Variants in ANKRD44 observed in about 807,000 individuals in gnomAD.
The protein encoded by ANKRD44 is serine/threonine-protein phosphatase 6 regulatory ankyrin repeat subunit B.
Under a neutral mutation model 116.0 loss-of-function variants are expected in ANKRD44, and 35 were observed. That is an observed-to-expected ratio of 0.30 (90% CI 0.23 to 0.40). The LOEUF (loss-of-function observed/expected upper bound fraction) is 0.40, where lower values mean the gene tolerates loss of function less well. Ranked by LOEUF, ANKRD44 falls within the 10% of genes least tolerant of loss-of-function variation. The pLI is 1.00. For missense variants in ANKRD44, 1,014 were observed against 1,242.6 expected, an observed-to-expected ratio of 0.82 and a Z score of 2.77; for synonymous variants, 435 against 461.8, an observed-to-expected ratio of 0.94 and a Z score of 0.74.
chr2:197,139,142 T>C (rs1301002368), intron 3 of ANKRD44, among the ~76,000 whole-genome samples: 1 of 152,148 alleles, frequency 6.6e-6, no homozygotes, highest in East Asian at 1.9e-4. Context: ...GTAAAATTGA[T>C]GACATGCATG....
Position 197,010,092 on chromosome 2 carries a change from G to A in ANKRD44, c.1925-1061C>T, listed in dbSNP as rs78109617. Among the ~76,000 whole-genome samples the A allele has an allele frequency of 1.7e-3, 265 of 152,214 alleles. 1 individual carries two copies. The highest frequency in any genetic ancestry group is 5.8e-3 in the African/African-American group (239 of 41,534). On this transcript the variant is annotated intron_variant, in intron 18 of 27. Transcript: ENST00000282272. ...CGAGGAAGGAAGGAGAGAAGTGGAG[G>A]GGAGAGGGGAGACGGTCAGAAGGGA...
chr2:196,996,516 A>C (rs2076014140), intron 25 of ANKRD44, among the ~76,000 whole-genome samples: 1 of 152,178 alleles, frequency 6.6e-6, no homozygotes, highest in African/African-American at 2.4e-5. Flanking sequence ...ACCCTTAAAT[A>C]TAATTTTAGA....
chr2:197,278,086 G>T (rs1399739771), intron 1 of ANKRD44, among the ~76,000 whole-genome samples: 1 of 152,014 alleles, frequency 6.6e-6, no homozygotes, highest in Non-Finnish European at 1.5e-5. Context: ...CATCTCCCAA[G>T]GCAGCAAATT....
intron 1 of ANKRD44, among the ~76,000 whole-genome samples, chr2:197,229,642 C>T (rs2081809526): frequency 6.6e-6 from 1 of 152,194 alleles, no homozygotes; most frequent in Non-Finnish European, 1.5e-5. Context: ...AGGCACTTCC[C>T]TAAAGTCTAT....
At chr2:196,996,835 C>T (rs577297703) in intron 25 of ANKRD44, among the ~76,000 whole-genome samples, 32 of 134,412 alleles carry the variant, frequency 2.4e-4, no homozygotes, top group African/African-American at 5.8e-4. Context: ...ACTTGGGAGG[C>T]GGAGGTTGCA....
chr2:197,038,437 A>T (rs577716828), intron 16 of ANKRD44, among the ~76,000 whole-genome samples: 2 of 152,244 alleles, frequency 1.3e-5, no homozygotes, highest in South Asian at 2.1e-4. Flanking sequence ...CTTATAACTG[A>T]AAAATGGTCT....
intron 21 of ANKRD44, among the ~76,000 whole-genome samples, chr2:197,003,967 A>G (rs774534447): frequency 6.6e-6 from 1 of 152,076 alleles, no homozygotes; most frequent in Non-Finnish European, 1.5e-5. Context: ...AGAGGTCTTA[A>G]ATTGATATAA....
At chr2:197,213,375 G>T (rs946683541) in intron 1 of ANKRD44, among the ~76,000 whole-genome samples, 1 of 152,168 alleles carries the variant, frequency 6.6e-6, no homozygotes, top group Non-Finnish European at 1.5e-5. Context: ...TATCTACGAG[G>T]TGATTACTCC....
downstream of ANKRD44, among the ~76,000 whole-genome samples, chr2:196,983,757 C>T (rs2075818782): frequency 6.6e-6 from 1 of 152,180 alleles, no homozygotes; most frequent in Non-Finnish European, 1.5e-5. Context: ...ATTGTGTCCA[C>T]CAGTGCCTAG....
intron 2 of ANKRD44, among the ~76,000 whole-genome samples, chr2:197,149,395 T>C (rs570574842): frequency 1.7e-4 from 26 of 152,324 alleles, no homozygotes; most frequent in Non-Finnish European, 3.2e-4. Flanking sequence ...CTGTGGCCCC[T>C]TTTATGGCAC....
chr2:197,237,127 G>A (rs889668737), intron 1 of ANKRD44, among the ~76,000 whole-genome samples: 3 of 152,174 alleles, frequency 2.0e-5, no homozygotes, highest in Non-Finnish European at 4.4e-5. Context: ...TGTCGATCTT[G>A]TATAATAGCC....
At chr2:197,119,590 C>A (rs1190562968) in intron 8 of ANKRD44, among the ~76,000 whole-genome samples, 1 of 152,068 alleles carries the variant, frequency 6.6e-6, no homozygotes, top group East Asian at 1.9e-4. Context: ...AATTGCTATT[C>A]TGAAAATTTG....
intron 1 of ANKRD44, among the ~76,000 whole-genome samples, chr2:197,245,259 C>CAAT (rs2082166880): frequency 6.6e-6 from 1 of 151,982 alleles, no homozygotes; most frequent in South Asian, 2.1e-4. Context: ...GACTCCATCT[C>CAAT]AATAATAATA....
intron 1 of ANKRD44, among the ~76,000 whole-genome samples, chr2:197,288,603 GGATA>G (rs2083472084): frequency 6.9e-6 from 1 of 145,810 alleles, no homozygotes; most frequent in Admixed American, 7.1e-5. Context: ...ACAGATGAAT[GGATA>G]AAGAAAATGT....
In ANKRD44 at chr2:197,094,842, G is replaced by A. The variant is rs183461993; in HGVS notation, c.1101-4810C>T. 7.9e-5 allele frequency among the ~76,000 whole-genome samples: 12 copies of A among 152,244 alleles called. No individual in the cohort carries two copies. In the East Asian group the frequency reaches 2.1e-3, roughly 27 times the overall value. Reference sequence around the variant, plus strand: ...AGACCTGGTCCTTGTTATTTGCAACGAACAGATGTTTTCAGTGGTTCCTTT... The same window carrying A: ...AGACCTGGTCCTTGTTATTTGCAACAAACAGATGTTTTCAGTGGTTCCTTT... On this transcript the variant is annotated intron_variant, in intron 10 of 27. Transcript: ENST00000282272.
At chr2:197,060,828 C>T (rs982327638) in intron 16 of ANKRD44, among the ~76,000 whole-genome samples, 5 of 152,054 alleles carry the variant, frequency 3.3e-5, no homozygotes, top group South Asian at 2.1e-4. Flanking sequence ...TCTTCCAGGT[C>T]GTACATGTTG....
intron 21 of ANKRD44, 97 bp from the exon 22 acceptor site, chr2:197,001,937 A>G: frequency 1.3e-6 from 1 of 799,060 alleles, no homozygotes; most frequent in East Asian, 2.6e-5. Context: ...TGGTTTATGA[A>G]TTTTCCTGAA....
chr2:197,051,994 A>G (rs1358879165), intron 16 of ANKRD44, among the ~76,000 whole-genome samples: 1 of 152,132 alleles, frequency 6.6e-6, no homozygotes, highest in East Asian at 1.9e-4. Flanking sequence ...TCCCGTTTAA[A>G]CTTCGGGGTT....
intron 1 of ANKRD44, among the ~76,000 whole-genome samples, chr2:197,266,127 T>C (rs573281355): frequency 6.6e-6 from 1 of 152,186 alleles, no homozygotes; most frequent in Admixed American, 6.5e-5. Context: ...AAGCAGAACC[T>C]ATTGGAGGAG....
Sources: allele counts gnomAD v4.1 joint callset (sites outside exome capture counted in the v4.1 genomes callset), GRCh38; gene constraint gnomAD v4.1.1; transcripts MANE v1.5; gene names NCBI Gene and HGNC (gene_info 2026-07-23, HGNC 2026-07-21).